Variants in SDK1 observed in about 807,000 individuals in gnomAD.
SDK1 encodes protein sidekick-1.
A neutral mutation model predicts 245.5 loss-of-function variants in SDK1; 157 were observed. The observed-to-expected ratio is 0.64, with a 90% CI of 0.56 to 0.73. The LOEUF (loss-of-function observed/expected upper bound fraction) is 0.73, where lower values mean the gene tolerates loss of function less well. SDK1 is among the 30% of genes least tolerant of loss of function. SDK1 has a pLI of 0.00. For missense variants in SDK1, 3,583 were observed against 3,002.3 expected (o/e 1.19, Z -4.52); for synonymous variants, 1,647 against 1,278.5 (o/e 1.29, Z -6.15).
At chr7:3,552,792 G>A (rs1457051929) in intron 1 of SDK1, among the ~76,000 whole-genome samples, 3 of 152,174 alleles carry the variant, frequency 2.0e-5, no homozygotes, top group African/African-American at 4.8e-5. Flanking sequence ...CAAAGCAGCA[G>A]CAGTTAAATG....
chr7:4,145,348 C>T (rs1483227681), intron 28 of SDK1, among the ~76,000 whole-genome samples: 4 of 152,088 alleles, frequency 2.6e-5, no homozygotes, highest in South Asian at 2.1e-4. Context: ...CCTAAGAGAG[C>T]GACGGGGAGA....
rs1166891627 is a variant in SDK1, at chr7:3,655,398, T to A, written c.713+13293T>A. Among the ~76,000 whole-genome samples, 5 of 143,012 alleles carry A rather than the reference T, an allele frequency of 3.5e-5. No homozygotes were observed. The South Asian group carries it at 1.1e-3, about 32-fold the overall frequency. 93.8% of individuals were successfully genotyped at this position (143,012 alleles called of 152,430 possible). A position where few individuals can be genotyped will look rare whatever the true frequency, so the allele number is the denominator to read the frequency against. ...CGGTGAGCCGAGATCGCAGCATTGC[T>A]CTCCAGCCTGGGCAACAAGAGCGCA... On this transcript the variant is annotated intron_variant, in intron 4 of 44. Transcript: ENST00000404826.
chr7:4,032,288 A>G (rs10244597), intron 17 of SDK1, among the ~76,000 whole-genome samples: 44,089 of 152,114 alleles, frequency 0.29, 9,459 homozygotes, highest in African/African-American at 0.61. Context: ...CCAATATTCA[A>G]TGCCCATCTG....
intron 40 of SDK1, among the ~76,000 whole-genome samples, chr7:4,229,186 T>C (rs1785603063): frequency 6.6e-6 from 1 of 152,200 alleles, no homozygotes; most frequent in Admixed American, 6.5e-5. Context: ...AGAAAAACAA[T>C]CCACAGTTGA....
At position 3,459,161 on chromosome 7, in the gene SDK1, C is replaced by A. The variant is rs180929332; in HGVS notation, c.298+157277C>A. 3.9e-5 allele frequency among the ~76,000 whole-genome samples: 6 copies of A among 152,242 alleles called. No individual in the cohort carries two copies. The East Asian group carries it at 1.2e-3, about 29-fold the overall frequency. ...TTTTTGTGTATTCTTTTTGTTGTAA[C>A]TCTTGCATTTTATCTGAAATTGCAT... is the stretch of plus-strand genomic sequence containing the variant. On this transcript the variant is annotated intron_variant, in intron 1 of 44. Coordinates refer to ENST00000404826, the MANE Select transcript of SDK1 (RefSeq NM_152744.4).
intron 2 of SDK1, among the ~76,000 whole-genome samples, chr7:3,628,038 G>A (rs921397528): frequency 7.2e-5 from 11 of 152,080 alleles, no homozygotes; most frequent in African/African-American, 2.7e-4. Context: ...ACTACTTGCA[G>A]CTCCGTCTGC....
chr7:3,819,907 C>G (rs1176111468), intron 4 of SDK1, among the ~76,000 whole-genome samples: 7 of 152,140 alleles, frequency 4.6e-5, no homozygotes, highest in African/African-American at 1.4e-4. Flanking sequence ...AGAGATTACT[C>G]ATTTTGCATG....
intron 4 of SDK1, among the ~76,000 whole-genome samples, chr7:3,699,860 G>C (rs1784690414): frequency 1.3e-5 from 2 of 152,110 alleles, no homozygotes; most frequent in Admixed American, 1.3e-4. Context: ...AAGAAGCCGA[G>C]AGAATCCCAA....
At chr7:3,554,426 G>C (rs975561607) in intron 1 of SDK1, among the ~76,000 whole-genome samples, 2 of 152,100 alleles carry the variant, frequency 1.3e-5, no homozygotes, top group African/African-American at 2.4e-5. Context: ...CAAAATATTT[G>C]GGACGCAGGT....
Position 3,301,566 on chromosome 7 carries a change from T to A in SDK1, c.-21T>A, listed in dbSNP as rs1779257742. 1.1e-6 allele frequency: 1 copy of A among 907,876 alleles called. No homozygotes were observed. Among genetic ancestry groups the A allele is most frequent in the South Asian group, 5.0e-5 (1 of 20,062 alleles). The allele number at this position is 907,876 out of a possible 1,614,324, so 56.2% of individuals were successfully genotyped here. A position where few individuals can be genotyped will look rare whatever the true frequency, so the allele number is the denominator to read the frequency against. Reference sequence around the variant, plus strand: ...CCCGCCCGTCCGTCCGGCGCGGCGCTCGGGGTGGCGGCTGCTCGGCATGGC... The same window carrying A: ...CCCGCCCGTCCGTCCGGCGCGGCGCACGGGGTGGCGGCTGCTCGGCATGGC... On this transcript the variant is annotated 5_prime_UTR_variant, in exon 1 of 45. Transcript: ENST00000404826.
At chr7:3,442,199 G>T (rs954180943) in intron 1 of SDK1, among the ~76,000 whole-genome samples, 2 of 152,202 alleles carry the variant, frequency 1.3e-5, no homozygotes, top group African/African-American at 2.4e-5. Context: ...GAAGGAAAGA[G>T]ATCAGGGTGC....
intron 1 of SDK1, among the ~76,000 whole-genome samples, chr7:3,339,936 A>G (rs1780302320): frequency 1.3e-5 from 2 of 152,082 alleles, no homozygotes; most frequent in South Asian, 2.1e-4. Flanking sequence ...GAAAAGATCA[A>G]TGAAATTTAG....
intron 1 of SDK1, among the ~76,000 whole-genome samples, chr7:3,378,261 C>T (rs1358216785): frequency 1.3e-5 from 2 of 152,128 alleles, no homozygotes; most frequent in Non-Finnish European, 2.9e-5. Flanking sequence ...GTTTTCTAGG[C>T]ATTCCATAAA....
At chr7:3,896,990 G>A (rs1781626127) in intron 5 of SDK1, among the ~76,000 whole-genome samples, 2 of 152,148 alleles carry the variant, frequency 1.3e-5, no homozygotes, top group African/African-American at 4.8e-5. Flanking sequence ...AAGAAGGCAT[G>A]TCTTACATGG....
At chr7:3,569,556 AG>A (rs1039894894) in intron 1 of SDK1, among the ~76,000 whole-genome samples, 2 of 152,226 alleles carry the variant, frequency 1.3e-5, no homozygotes, top group Non-Finnish European at 2.9e-5. Flanking sequence ...TGCTGAGGCC[AG>A]GGTGTCTGTG....
chr7:3,346,827 A>ATATATAAT (rs1228887289), intron 1 of SDK1, among the ~76,000 whole-genome samples: 2 of 16,384 alleles, frequency 1.2e-4, no homozygotes, highest in Non-Finnish European at 2.1e-4. Flanking sequence ...ATATATATAT[A>ATATATAAT]TTTTTTTTTT....
intron 1 of SDK1, among the ~76,000 whole-genome samples, chr7:3,453,206 C>G (rs1305740786): frequency 6.6e-6 from 1 of 152,202 alleles, no homozygotes; most frequent in African/African-American, 2.4e-5. Context: ...GAGCCAGTGC[C>G]TTGCACTGTG....
At position 3,669,902 on chromosome 7, in the gene SDK1, C is replaced by T. The variant is rs566716817; in HGVS notation, c.713+27797C>T. 4.6e-5 allele frequency among the ~76,000 whole-genome samples: 7 copies of T among 152,278 alleles called. No individual in the cohort carries two copies. The South Asian group carries it at 1.2e-3, about 27-fold the overall frequency. ...CCTATTTTCCCTGCCTTACTCCTGG[C>T]TCTCCTTTCTTAACATAAATGACAC... On this transcript the variant is annotated intron_variant, in intron 4 of 44. Transcript: ENST00000404826.
At chr7:3,511,351 G>C (rs2128611590) in intron 1 of SDK1, among the ~76,000 whole-genome samples, 1 of 152,252 alleles carries the variant, frequency 6.6e-6, no homozygotes, top group Non-Finnish European at 1.5e-5. Flanking sequence ...TGATTTCAGT[G>C]CTAAAGATTT....
Sources: gnomAD v4.1 joint callset for allele counts (sites outside exome capture counted in the v4.1 genomes callset) on GRCh38, gnomAD v4.1.1 for gene constraint, MANE v1.5 for transcripts, NCBI Gene and HGNC (gene_info 2026-07-23, HGNC 2026-07-21) for gene names.